The following ARHGEF3 variants were observed in gnomAD, a reference collection of about 807,000 sequenced individuals.
The protein encoded by ARHGEF3 is 59.8 kDA protein.
A neutral mutation model predicts 63.2 loss-of-function variants in ARHGEF3; 28 were observed. That is an observed-to-expected ratio of 0.44 (90% CI 0.33 to 0.61). The LOEUF (loss-of-function observed/expected upper bound fraction) is 0.61. Among genes scored for constraint, ARHGEF3 ranks in the 20% least tolerant of loss-of-function variants. The pLI, the probability that ARHGEF3 is intolerant of heterozygous loss-of-function variation, is 0.03. For synonymous variants in ARHGEF3, 266 were observed against 254.2 expected, an observed-to-expected ratio of 1.05 and a Z score of -0.44; for missense variants, 533 against 659.3, an observed-to-expected ratio of 0.81 and a Z score of 2.10.
Position 56,999,541 on chromosome 3 carries a change from T to C in ARHGEF3, c.62+35547A>G, listed in dbSNP as rs189735458. On this transcript the variant is annotated intron_variant, in intron 2 of 12. Coordinates refer to the ARHGEF3 transcript ENST00000338458. ...ATATTTTAGCAAATATTTTCCAGGC[T>C]CACACTGTAATCCCAACAGTTTGGG... 2.1e-3 allele frequency among the ~76,000 whole-genome samples: 327 copies of C among 152,350 alleles called. 7 individuals are homozygous for C. Among genetic ancestry groups the C allele is most frequent in the Admixed American group, 0.019 (285 of 15,298 alleles).
At chr3:56,802,059 C>G (rs1005705345), upstream of ARHGEF3, 185 of 1,311,222 alleles carry the variant, frequency 1.4e-4, no homozygotes, top group Admixed American at 4.9e-4. Context: ...GCCCACGTGC[C>G]GCAGCGCGGA....
At chr3:56,902,175 T>A (rs993341055) in intron 3 of ARHGEF3, among the ~76,000 whole-genome samples, 5 of 152,170 alleles carry the variant, frequency 3.3e-5, no homozygotes, top group African/African-American at 9.7e-5. Flanking sequence ...GCTGGCAACG[T>A]GCTAAGGGGA....
chr3:56,960,529 T>C (rs59172160), intron 2 of ARHGEF3: 1 of 152,294 alleles, frequency 6.6e-6, no homozygotes, highest in South Asian at 2.1e-4. Context: ...TTGCTGTTTT[T>C]ACCAGCTGTC....
chr3:56,732,162 TCCAC>T, intron 9 of ARHGEF3, 72 bp downstream of exon 9: 1 of 1,554,996 alleles, frequency 6.4e-7, no homozygotes, highest in African/African-American at 1.4e-5. Context: ...CTTTTCTCTT[TCCAC>T]CAGCTGCCCA....
intron 4 of ARHGEF3, among the ~76,000 whole-genome samples, chr3:56,809,105 A>G (rs1169049138): frequency 2.0e-5 from 3 of 152,226 alleles, no homozygotes; most frequent in African/African-American, 7.2e-5. Flanking sequence ...TTGAGTGCCA[A>G]GAAACCCCAG....
chr3:56,887,673 G>A (rs549233919), intron 3 of ARHGEF3, among the ~76,000 whole-genome samples: 1 of 152,324 alleles, frequency 6.6e-6, no homozygotes, highest in African/African-American at 2.4e-5. Flanking sequence ...TGGTCTGACA[G>A]GTTCCCAGCC....
In ARHGEF3 at chr3:57,002,807, C is replaced by T. The variant is rs1702309937; in HGVS notation, c.62+32281G>A. ...TTTTTTTTTTTGAGACAGAGTCTTG[C>T]TCTGTCACCAGGCTGGAGTGCAGTG... On this transcript the variant is annotated intron_variant, in intron 2 of 12. Coordinates refer to the ARHGEF3 transcript ENST00000338458. Among the ~76,000 whole-genome samples the T allele has an allele frequency of 2.1e-5, 3 of 144,474 alleles. No homozygotes were observed. In the South Asian group the frequency reaches 6.5e-4, roughly 31 times the overall value. 94.8% of individuals were successfully genotyped at this position (144,474 alleles called of 152,430 possible). A position where few individuals can be genotyped will look rare whatever the true frequency, so the allele number is the denominator to read the frequency against.
chr3:57,053,204 C>T (rs991298455), intron 1 of ARHGEF3, among the ~76,000 whole-genome samples: 1 of 152,178 alleles, frequency 6.6e-6, no homozygotes, highest in Admixed American at 6.5e-5. Flanking sequence ...CCCTCTCAAG[C>T]GCCTGCTCTC....
At chr3:57,041,696 A>G (rs1284673836) in intron 1 of ARHGEF3, among the ~76,000 whole-genome samples, 1 of 152,148 alleles carries the variant, frequency 6.6e-6, no homozygotes, top group East Asian at 1.9e-4. Context: ...CATGCTTGGC[A>G]CTCACAGCTT....
intron 1 of ARHGEF3, among the ~76,000 whole-genome samples, chr3:56,797,962 T>A (rs759950192): frequency 6.6e-6 from 1 of 152,220 alleles, no homozygotes; most frequent in Non-Finnish European, 1.5e-5. Context: ...GATCTTGGCT[T>A]AGCTGCTGAT....
At chr3:56,875,402 G>A (rs1292723324) in intron 4 of ARHGEF3, among the ~76,000 whole-genome samples, 3 of 152,262 alleles carry the variant, frequency 2.0e-5, no homozygotes, top group South Asian at 4.1e-4. Context: ...CTCAATCTGA[G>A]ACTCATTCAT....
chr3:56,761,963 A>G (rs1219945297), intron 2 of ARHGEF3, among the ~76,000 whole-genome samples: 2 of 152,168 alleles, frequency 1.3e-5, no homozygotes, highest in East Asian at 1.9e-4. Context: ...TGGCCTGTAG[A>G]AAGTTTCTCA....
intron 4 of ARHGEF3, among the ~76,000 whole-genome samples, chr3:56,818,460 T>C (rs377058619): frequency 6.6e-6 from 1 of 152,178 alleles, no homozygotes. Context: ...TTCCTCCTCT[T>C]GAAATGACTA....
At chr3:56,729,724 G>T in intron 9 of ARHGEF3, 102 bp from the exon 10 acceptor site, 2 of 984,952 alleles carry the variant, frequency 2.0e-6, no homozygotes, top group Non-Finnish European at 3.0e-6. Flanking sequence ...TCCATGGCAG[G>T]TATTGCTGAT....
At chr3:56,850,327 G>A (rs377454848) in intron 4 of ARHGEF3, among the ~76,000 whole-genome samples, 1 of 152,156 alleles carries the variant, frequency 6.6e-6, no homozygotes, top group Non-Finnish European at 1.5e-5. Flanking sequence ...TCAGGGTTTC[G>A]AGACCAGCCT....
intron 2 of ARHGEF3, among the ~76,000 whole-genome samples, chr3:56,769,096 C>T (rs1293075009): frequency 6.6e-6 from 1 of 152,206 alleles, no homozygotes; most frequent in African/African-American, 2.4e-5. Flanking sequence ...CTGCATTTTT[C>T]CATAATGAAC....
Position 56,738,395 on chromosome 3 carries a change from C to T in ARHGEF3, c.871-1040G>A, listed in dbSNP as rs7612788. ...CCATGTTGCCCAGGCTGGTCTTGAA[C>T]TCCTCAGCTCAAGTGATCCACCCAC... On this transcript the variant is annotated intron_variant, in intron 7 of 9. Transcript: ENST00000296315. 1.9e-3 allele frequency among the ~76,000 whole-genome samples: 286 copies of T among 152,060 alleles called. 5 individuals carry two copies. Among genetic ancestry groups the T allele is most frequent in the African/African-American group, 6.0e-3 (247 of 41,482 alleles).
intron 1 of ARHGEF3, among the ~76,000 whole-genome samples, chr3:56,785,265 C>T (rs980403319): frequency 7.2e-5 from 11 of 152,102 alleles, no homozygotes; most frequent in African/African-American, 1.7e-4. Flanking sequence ...TGGCTGGATA[C>T]GGCAAAACTA....
chr3:56,912,663 T>A (rs1392652513), intron 3 of ARHGEF3, among the ~76,000 whole-genome samples: 1 of 152,240 alleles, frequency 6.6e-6, no homozygotes, highest in Non-Finnish European at 1.5e-5. Flanking sequence ...ATGTAAGTTA[T>A]TATCGTATTA....
Sources: allele counts gnomAD v4.1 joint callset (sites outside exome capture counted in the v4.1 genomes callset), GRCh38; gene constraint gnomAD v4.1.1; transcripts MANE v1.5; gene names NCBI Gene and HGNC (gene_info 2026-07-23, HGNC 2026-07-21).